Variants in MAML1 observed in about 807,000 individuals in gnomAD.
MAML1 encodes mastermind-like protein 1.
In MAML1, 14 loss-of-function variants were observed where a neutral mutation model predicts 77.1. The observed-to-expected ratio is 0.18, with a 90% CI of 0.12 to 0.28. The LOEUF is 0.28. MAML1 is among the 10% of genes least tolerant of loss of function. The pLI is 1.00. For missense variants in MAML1, 1,217 were observed against 1,327.8 expected (o/e 0.92, Z 1.30); for synonymous variants, 516 against 551.9 (o/e 0.93, Z 0.91).
chr5:179,734,552 A>C (rs1263444338), intron 1 of MAML1, among the ~76,000 whole-genome samples: 2 of 152,134 alleles, frequency 1.3e-5, no homozygotes, highest in African/African-American at 4.8e-5. Context: ...CTCAGATTTC[A>C]TTGCTTATTG....
At chr5:179,762,537 A>G (rs1779742741) in intron 1 of MAML1, among the ~76,000 whole-genome samples, 1 of 152,216 alleles carries the variant, frequency 6.6e-6, no homozygotes, top group Admixed American at 6.5e-5. Context: ...AACCCTGTAC[A>G]CTGCAGAAAC....
chr5:179,772,118 A>G (rs1756008620), intron 4 of MAML1, among the ~76,000 whole-genome samples: 1 of 152,018 alleles, frequency 6.6e-6, no homozygotes, highest in Non-Finnish European at 1.5e-5. Flanking sequence ...CCTCAACCCA[A>G]TTTCATTGTT....
At chr5:179,752,598 CTTTTTTTT>C (rs1172970221) in intron 1 of MAML1, among the ~76,000 whole-genome samples, 5 of 71,818 alleles carry the variant, frequency 7.0e-5, no homozygotes, top group South Asian at 4.7e-4. Flanking sequence ...ATTAGATACT[CTTTTTTTT>C]TTTTTTTTTT....
At chr5:179,748,725 T>C (rs1390000431) in intron 1 of MAML1, among the ~76,000 whole-genome samples, 1 of 152,176 alleles carries the variant, frequency 6.6e-6, no homozygotes, top group Non-Finnish European at 1.5e-5. Flanking sequence ...GGCATGGAAT[T>C]TCTGAACATT....
At chr5:179,772,813 T>G (rs1756032179) in intron 4 of MAML1, among the ~76,000 whole-genome samples, 1 of 152,144 alleles carries the variant, frequency 6.6e-6, no homozygotes, top group Non-Finnish European at 1.5e-5. Context: ...CTCCCTCATC[T>G]CCGTGACTGA....
chr5:179,747,808 C>CAAAAAAAAAAA lies in MAML1; in HGVS notation c.315+14392_315+14402dup, dbSNP rs71001044. Among the ~76,000 whole-genome samples the CAAAAAAAAAAA allele has an allele frequency of 9.8e-4, 40 of 40,882 alleles. 3 individuals are homozygous for CAAAAAAAAAAA. Among genetic ancestry groups the CAAAAAAAAAAA allele is most frequent in the South Asian group, 3.2e-3 (2 of 630 alleles). 26.8% of individuals were successfully genotyped at this position (40,882 alleles called of 152,430 possible). On this transcript the variant is annotated intron_variant, in intron 1 of 4. Coordinates refer to ENST00000292599, the MANE Select transcript of MAML1 (RefSeq NM_014757.5). The stretch of plus-strand genomic sequence containing the variant: ...CCTGGGCGACAGCGAGACTCCATCT[C>CAAAAAAAAAAA]AAAAAAAAAAAAAAAAAAAAAGAAG...
At chr5:179,747,349 G>T (rs1057291847) in intron 1 of MAML1, among the ~76,000 whole-genome samples, 1 of 152,234 alleles carries the variant, frequency 6.6e-6, no homozygotes, top group Non-Finnish European at 1.5e-5. Flanking sequence ...GCTAGGACCA[G>T]TTGGGAAGTG....
intron 1 of MAML1, among the ~76,000 whole-genome samples, chr5:179,733,631 G>A (rs1301777610): frequency 6.6e-6 from 1 of 152,250 alleles, no homozygotes; most frequent in African/African-American, 2.4e-5. Context: ...GGAAAACAGC[G>A]CCTTGAGGGC....
intron 1 of MAML1, among the ~76,000 whole-genome samples, chr5:179,762,401 G>C (rs1053995730): frequency 9.2e-5 from 14 of 152,018 alleles, no homozygotes; most frequent in African/African-American, 3.4e-4. Flanking sequence ...CCCAGCGAGG[G>C]AGCTGGCACA....
chr5:179,745,832 C>T (rs1209330731), intron 1 of MAML1, among the ~76,000 whole-genome samples: 2 of 131,478 alleles, frequency 1.5e-5, no homozygotes, highest in East Asian at 4.5e-4. Flanking sequence ...TGCACTCCAG[C>T]CTGAGCGACA....
In MAML1 at chr5:179,766,047, C is replaced by A; in HGVS notation, c.1037C>A (p.Thr346Asn). Residue 346 changes from threonine to asparagine, a missense_variant, in exon 2 of 5, where the codon ACC becomes AAC. This residue lies in a region of MAML1 where 884 missense variants were observed against 949.3 expected (regional missense o/e 0.93). Transcript: ENST00000292599. The surrounding 1 kb of genome is among the most constrained non-coding windows in gnomAD (Gnocchi z 4.0). The part of the protein sequence containing the change: ...TDSPSLGGSQ[T>N]LFHTSGQPRA... ...TCCCCCAGCCTAGGGGGCTCCCAAA[C>A]CTTATTCCACACCTCTGGTCAGCCC... 4 of 1,590,220 alleles carry A rather than the reference C, an allele frequency of 2.5e-6. No individual in the cohort carries two copies. Among genetic ancestry groups the A allele is most frequent in the Non-Finnish European group, 3.4e-6 (4 of 1,170,038 alleles).
intron 1 of MAML1, among the ~76,000 whole-genome samples, chr5:179,742,650 A>C (rs1779305670): frequency 6.6e-6 from 1 of 152,050 alleles, no homozygotes; most frequent in South Asian, 2.1e-4. Flanking sequence ...TAAAAAAATA[A>C]AAATAAATTA....
chr5:179,736,498 G>A (rs193298015), intron 1 of MAML1, among the ~76,000 whole-genome samples: 1 of 151,214 alleles, frequency 6.6e-6, no homozygotes, highest in Non-Finnish European at 1.5e-5. Flanking sequence ...TGATCCTCCC[G>A]CACTGGCCTC....
intron 1 of MAML1, among the ~76,000 whole-genome samples, chr5:179,761,197 T>G (rs1779719670): frequency 6.6e-6 from 1 of 151,500 alleles, no homozygotes; most frequent in African/African-American, 2.4e-5. Context: ...AGTTTGAGAC[T>G]AGCCTGGACA....
chr5:179,759,244 G>A (rs1209079971), intron 1 of MAML1, among the ~76,000 whole-genome samples: 2 of 152,086 alleles, frequency 1.3e-5, no homozygotes, highest in African/African-American at 2.4e-5. Flanking sequence ...GGAGTCTGTC[G>A]GCAGCAGACC....
At chr5:179,745,767 G>A (rs1031776488) in intron 1 of MAML1, among the ~76,000 whole-genome samples, 3 of 150,412 alleles carry the variant, frequency 2.0e-5, no homozygotes, top group Admixed American at 6.7e-5. Flanking sequence ...GGCTGAGGCA[G>A]GAGAATGGCG....
At chr5:179,750,431 A>G (rs1220668835) in intron 1 of MAML1, among the ~76,000 whole-genome samples, 3 of 151,076 alleles carry the variant, frequency 2.0e-5, no homozygotes, top group African/African-American at 7.3e-5. Flanking sequence ...CCTAGGGCCC[A>G]GAGAGTGGCT....
chr5:179,763,716 G>A (rs1779761896), intron 1 of MAML1, among the ~76,000 whole-genome samples: 1 of 152,102 alleles, frequency 6.6e-6, no homozygotes, highest in African/African-American at 2.4e-5. Flanking sequence ...CCCAGGCCAG[G>A]GCACTTCACC....
At position 179,757,000 on chromosome 5, in the gene MAML1, G is replaced by C. The variant is rs150126869; in HGVS notation, c.316-8326G>C. On this transcript the variant is annotated intron_variant, in intron 1 of 4. Coordinates refer to ENST00000292599, the MANE Select transcript of MAML1 (RefSeq NM_014757.5). ...GCGCCACCACGCCTGGCTAATTTTT[G>C]TATTTTTAGTAGAGACAGGGTTTTT... Among the ~76,000 whole-genome samples the C allele has an allele frequency of 2.8e-3, 430 of 152,076 alleles. 1 individual carries two copies. Among genetic ancestry groups the C allele is most frequent in the African/African-American group, 1.0e-2 (414 of 41,506 alleles).
Sources: allele counts gnomAD v4.1 joint callset (sites outside exome capture counted in the v4.1 genomes callset), GRCh38; gene constraint gnomAD v4.1.1; regional missense constraint gnomAD v4.1.1; non-coding constraint Gnocchi (gnomAD v3.1); transcripts MANE v1.5; gene names NCBI Gene and HGNC (gene_info 2026-07-23, HGNC 2026-07-21).